The following IMMT variants were observed in gnomAD, a reference collection of about 807,000 sequenced individuals.
IMMT encodes the protein MICOS complex subunit MIC60.
Under a neutral mutation model 92.7 loss-of-function variants are expected in IMMT, and 40 were observed. The ratio of observed to expected loss-of-function variants is 0.43; its 90% CI spans 0.34 to 0.56. The LOEUF is 0.56. Ranked by LOEUF, IMMT falls within the 20% of genes least tolerant of loss-of-function variation. The pLI, the probability that IMMT is intolerant of heterozygous loss-of-function variation, is 0.03. For missense variants in IMMT, 831 were observed against 912.1 expected, an observed-to-expected ratio of 0.91 and a Z score of 1.14; for synonymous variants, 322 against 336.1, an observed-to-expected ratio of 0.96 and a Z score of 0.46.
Position 86,144,617 on chromosome 2 carries a change from C to A in IMMT, c.1928G>T (p.Arg643Leu). Residue 643 changes from arginine (R) to leucine (L), a missense_variant, in exon 15 of 15, where the codon CGA (arginine) becomes CTA (leucine). Arg to Leu is a moderately radical substitution (Grantham distance 102). Transcript: ENST00000410111. ...ARFYAVQKLA[R>L]RVAMIDETRN... ...GGTTTCATCAATCATTGCTACCCTTCGGGCCAGTTTTTGAACAGCATAGAA... is the reference window on the plus strand; with the variant it reads ...GGTTTCATCAATCATTGCTACCCTTAGGGCCAGTTTTTGAACAGCATAGAA... 1 of 1,613,948 alleles carries A rather than the reference C, an allele frequency of 6.2e-7. No homozygotes were observed.
chr2:86,147,308 T>C (rs1422007674), intron 13 of IMMT, among the ~76,000 whole-genome samples: 1 of 152,192 alleles, frequency 6.6e-6, no homozygotes, highest in Non-Finnish European at 1.5e-5. Context: ...CTGTAAATGA[T>C]TTCTTGAATA....
intron 1 of IMMT, among the ~76,000 whole-genome samples, chr2:86,182,784 G>C (rs935770398): frequency 3.3e-5 from 5 of 151,854 alleles, no homozygotes; most frequent in Non-Finnish European, 7.4e-5. Flanking sequence ...CCCGGAGGTG[G>C]AGGTTGCAAT....
rs1486003957 is a variant in IMMT at position 86,151,355 on chromosome 2, G to A, written c.1343C>T (p.Ala448Val). The A allele has an allele frequency of 3.7e-6, 6 of 1,613,810 alleles. No homozygotes were observed. The highest frequency in any genetic ancestry group is 1.3e-5 in the African/African-American group (1 of 74,902). Residue 448 changes from alanine to valine, a missense_variant, in exon 12 of 15, where the codon GCA becomes GTA. By Grantham distance (64) the Ala-to-Val change is moderately conservative (BLOSUM62 0). Coordinates refer to ENST00000410111, the MANE Select transcript of IMMT (RefSeq NM_006839.3). ...GTGATGTTCTAATGCTTTTGCTACT[G>A]CAGAGTCAAATGCCCGCTTTTCTTC... ...KLEEKRAFDS[A>V]VAKALEHHRS...
chr2:86,161,467 A>G (rs1289416402), intron 8 of IMMT, among the ~76,000 whole-genome samples: 1 of 149,320 alleles, frequency 6.7e-6, no homozygotes, highest in Non-Finnish European at 1.5e-5. Context: ...GCCTGGACTA[A>G]TTATATTTTA....
chr2:86,149,695 T>C (rs1246114578), intron 12 of IMMT, among the ~76,000 whole-genome samples: 1 of 152,038 alleles, frequency 6.6e-6, no homozygotes, highest in Non-Finnish European at 1.5e-5. Flanking sequence ...CTGGCCAACA[T>C]GGCAAAACCC....
rs1255752700 is a variant in IMMT at position 86,151,538 on chromosome 2, T to C, written c.1178-18A>G. On this transcript the variant is annotated intron_variant, in intron 11 of 14. Transcript: ENST00000410111. ...CTTGTCAGCTAAGCAAAAGAGCATG[T>C]TAAAATATTAATGATGTCACTGAAA... The C allele has an allele frequency of 6.5e-7, 1 of 1,543,826 alleles. No individual in the cohort carries two copies. The highest frequency in any genetic ancestry group is 1.1e-5 in the South Asian group (1 of 89,534).
intron 13 of IMMT, among the ~76,000 whole-genome samples, chr2:86,147,205 C>T (rs1462550675): frequency 3.9e-5 from 6 of 151,928 alleles, no homozygotes; most frequent in Non-Finnish European, 8.8e-5. Flanking sequence ...TTTAAAATAC[C>T]TTTTCATACT....
In IMMT at chr2:86,151,439, G is replaced by A; in HGVS notation, c.1259C>T (p.Ala420Val). The A allele has an allele frequency of 6.2e-7, 1 of 1,613,892 alleles. No individual in the cohort carries two copies. Among genetic ancestry groups the A allele is most frequent in the Non-Finnish European group, 8.5e-7 (1 of 1,179,882 alleles). The change falls in exon 12 of 15, where the codon GCA becomes GTA. Residue 420 changes from alanine to valine, a missense_variant. By Grantham distance (64) the Ala-to-Val change is moderately conservative (BLOSUM62 0). Transcript: ENST00000410111. ...CTGCTTTTCGGTGGCCTTCTGTTCT[G>A]CCAGCTCTCTGTTCAGCTGATCAAT... The part of the protein sequence containing the change: ...RRIDQLNREL[A>V]EQKATEKQHI...
At chr2:86,174,933 T>C (rs1677332118) in intron 3 of IMMT, among the ~76,000 whole-genome samples, 1 of 152,166 alleles carries the variant, frequency 6.6e-6, no homozygotes, top group Non-Finnish European at 1.5e-5. Flanking sequence ...TCCATTTAAA[T>C]GAAAAGCACC....
chr2:86,173,117 A>G (rs1677211242), intron 4 of IMMT, among the ~76,000 whole-genome samples: 2 of 152,250 alleles, frequency 1.3e-5, no homozygotes, highest in African/African-American at 2.4e-5. Flanking sequence ...TCAAGGACAG[A>G]CACAACAAAG....
chr2:86,161,757 G>A (rs1299821731), intron 8 of IMMT, among the ~76,000 whole-genome samples: 1 of 151,356 alleles, frequency 6.6e-6, no homozygotes, highest in East Asian at 2.0e-4. Flanking sequence ...CTCGTGATCT[G>A]TCCGCCTCGG....
At chr2:86,193,238 T>C (rs1265708461) in intron 1 of IMMT, 2 of 151,706 alleles carry the variant, frequency 1.3e-5, no homozygotes, top group African/African-American at 2.4e-5. Context: ...ACTCCGTCTC[T>C]ACAAAAATTT....
chr2:86,156,996 T>C (rs1465832551), intron 10 of IMMT, among the ~76,000 whole-genome samples: 1 of 152,166 alleles, frequency 6.6e-6, no homozygotes, highest in African/African-American at 2.4e-5. Flanking sequence ...CTCACATCTG[T>C]TTCAATTGTA....
rs763967469 is a variant in IMMT at position 86,144,259 on chromosome 2, T to C, written c.*9A>G. ...ATGAAATATGACTTTATGAAAATCT[T>C]CCTAAACCTCACTCTGGCTGCACCT... On this transcript the variant is annotated 3_prime_UTR_variant, in exon 15 of 15. Coordinates refer to ENST00000410111, the MANE Select transcript of IMMT (RefSeq NM_006839.3). 3 of 1,612,922 alleles carry C rather than the reference T, an allele frequency of 1.9e-6. No homozygotes were observed. Among genetic ancestry groups the C allele is most frequent in the Non-Finnish European group, 1.7e-6 (2 of 1,179,064 alleles).
chr2:86,191,815 T>C (rs1427001781), intron 1 of IMMT, among the ~76,000 whole-genome samples: 1 of 150,198 alleles, frequency 6.7e-6, no homozygotes, highest in Admixed American at 6.6e-5. Context: ...CTTGGGAGGC[T>C]GAGGCAGGAG....
chr2:86,169,294 A>G (rs1456156546), intron 6 of IMMT, among the ~76,000 whole-genome samples: 2 of 152,246 alleles, frequency 1.3e-5, no homozygotes, highest in African/African-American at 4.8e-5. Context: ...AAGAAAAAAG[A>G]AGTAGGAAAA....
At chr2:86,159,075 CAAGGCAAAAA>C (rs1350656573) in intron 9 of IMMT, among the ~76,000 whole-genome samples, 1 of 149,502 alleles carries the variant, frequency 6.7e-6, no homozygotes, top group African/African-American at 2.5e-5. Context: ...GGTTGGTGTC[CAAGGCAAAAA>C]AAAAAAATTT....
At chr2:86,163,965 A>AAAAAAAAAAAAAAAAC (rs1676473551) in intron 7 of IMMT, among the ~76,000 whole-genome samples, 1 of 151,376 alleles carries the variant, frequency 6.6e-6, no homozygotes, top group Non-Finnish European at 1.5e-5. Flanking sequence ...TCTCCAAAAA[A>AAAAAAAAAAAAAAAAC]AAAGAATGTT....
rs756908027 is a variant in IMMT, at chr2:86,181,385, A to G, written c.46-13T>C. The G allele has an allele frequency of 6.3e-7, 1 of 1,592,532 alleles. No individual in the cohort carries two copies. Among genetic ancestry groups the G allele is most frequent in the South Asian group, 1.1e-5 (1 of 90,590 alleles). On this transcript the variant is annotated splice_polypyrimidine_tract_variant and intron_variant, in intron 1 of 14. Transcript: ENST00000410111. ...CACAGAGACAACTCTAAAGAAGGAA[A>G]ACACATCACAACCAATACAGTTAAA...
Sources: gnomAD v4.1 joint callset for allele counts (sites outside exome capture counted in the v4.1 genomes callset) on GRCh38, gnomAD v4.1.1 for gene constraint, MANE v1.5 for transcripts, NCBI Gene and HGNC (gene_info 2026-07-23, HGNC 2026-07-21) for gene names.